The following RAB5A variants were observed in gnomAD, a reference collection of about 807,000 sequenced individuals.
RAB5A encodes RAB5A, member RAS oncogene family, also known as ras-related protein Rab-5A.
A neutral mutation model predicts 25.7 loss-of-function variants in RAB5A; 8 were observed. The observed-to-expected ratio is 0.31, with a 90% CI of 0.18 to 0.56. The LOEUF (loss-of-function observed/expected upper bound fraction) is 0.56, where lower values mean the gene tolerates loss of function less well. Ranked by LOEUF, RAB5A falls within the 20% of genes least tolerant of loss-of-function variation. The probability of loss-of-function intolerance (pLI) is 0.91; values close to 1 mark genes in which losing one functional copy is unlikely to be tolerated. For missense variants in RAB5A, 192 were observed against 259.7 expected (o/e 0.74, Z 1.79); for synonymous variants, 98 against 89.8 (o/e 1.09, Z -0.52).
At chr3:19,980,263 A>T (rs567662077) in intron 5 of RAB5A, 10 of 152,328 alleles carry the variant, frequency 6.6e-5, no homozygotes, top group African/African-American at 2.4e-4. Context: ...ACTCTACCAG[A>T]TGGGCTTTAG....
At chr3:19,952,098 C>G (rs1170457951) in intron 2 of RAB5A, among the ~76,000 whole-genome samples, 1 of 152,044 alleles carries the variant, frequency 6.6e-6, no homozygotes, top group African/African-American at 2.4e-5. Context: ...CCTGTAGTCC[C>G]AGGTATTTGG....
At chr3:19,960,227 C>A (rs1321210338) in intron 2 of RAB5A, among the ~76,000 whole-genome samples, 1 of 152,096 alleles carries the variant, frequency 6.6e-6, no homozygotes, top group Non-Finnish European at 1.5e-5. Flanking sequence ...GGAGTTACAT[C>A]AAAAGCCTTT....
Position 19,963,574 on chromosome 3 carries a change from A to T in RAB5A, c.164-12027A>T, listed in dbSNP as rs144932157. On this transcript the variant is annotated intron_variant, in intron 2 of 5. Coordinates refer to ENST00000273047, the MANE Select transcript of RAB5A (RefSeq NM_004162.5). Reference sequence around the variant, plus strand: ...TTACAGGTTTCCTCTAACTGTTAATAGGAGTTTAAAGTTTTCCCTCTCTGT... The same window carrying T: ...TTACAGGTTTCCTCTAACTGTTAATTGGAGTTTAAAGTTTTCCCTCTCTGT... Among the ~76,000 whole-genome samples, 3 of 152,240 alleles carry T rather than the reference A, an allele frequency of 2.0e-5. No individual in the cohort carries two copies. The East Asian group carries it at 5.8e-4, about 29-fold the overall frequency.
chr3:19,983,940 C>T lies in RAB5A; in HGVS notation c.*117C>T, dbSNP rs1267023607. ...CAAAAGAAGAGACTTATGATAGAGT[C>T]AAGTTTCTAATACAGAATTATTTTA... On this transcript the variant is annotated 3_prime_UTR_variant, in exon 6 of 6. Coordinates refer to ENST00000273047, the MANE Select transcript of RAB5A (RefSeq NM_004162.5). The T allele has an allele frequency of 2.5e-5, 17 of 693,532 alleles. No individual in the cohort carries two copies. The highest frequency in any genetic ancestry group is 3.4e-5 in the Non-Finnish European group (14 of 406,974). The allele number at this position is 693,532 out of a possible 1,614,324, so 43.0% of individuals were successfully genotyped here.
chr3:19,975,920 A>G (rs1192375030), intron 3 of RAB5A, 127 bp from the exon 4 acceptor site: 2 of 1,377,394 alleles, frequency 1.5e-6, no homozygotes, highest in Non-Finnish European at 2.0e-6. Context: ...AATGTCTCAT[A>G]ATACAATAGT....
intron 5 of RAB5A, among the ~76,000 whole-genome samples, chr3:19,981,319 A>G (rs751488985): frequency 1.3e-5 from 2 of 152,180 alleles, no homozygotes; most frequent in Non-Finnish European, 2.9e-5. Flanking sequence ...TAAAAATATC[A>G]TAAATCAGGC....
intron 2 of RAB5A, among the ~76,000 whole-genome samples, chr3:19,963,786 G>T (rs1469684934): frequency 6.6e-6 from 1 of 151,884 alleles, no homozygotes; most frequent in East Asian, 1.9e-4. Flanking sequence ...ATGGTACTAC[G>T]TGTGCATGTG....
chr3:19,970,047 ACCTC>A (rs1696722747), intron 2 of RAB5A, among the ~76,000 whole-genome samples: 3 of 34,768 alleles, frequency 8.6e-5, no homozygotes, highest in Admixed American at 2.3e-4. Flanking sequence ...TGATCCACCC[ACCTC>A]GGCCACCATG....
At chr3:19,951,609 T>C (rs1696423262) in intron 2 of RAB5A, among the ~76,000 whole-genome samples, 1 of 151,754 alleles carries the variant, frequency 6.6e-6, no homozygotes, top group African/African-American at 2.4e-5. Context: ...CACTGCAGAC[T>C]GCAGCCTGAA....
At chr3:19,948,628 TA>T (rs1417088001) in intron 1 of RAB5A, among the ~76,000 whole-genome samples, 48 of 152,396 alleles carry the variant, frequency 3.1e-4, no homozygotes, top group African/African-American at 1.2e-3. Context: ...AGTGTTATGC[TA>T]AGTGTATATT....
intron 2 of RAB5A, among the ~76,000 whole-genome samples, chr3:19,951,409 A>G (rs56994247): frequency 0.026 from 3,985 of 152,302 alleles, 162 homozygotes; most frequent in African/African-American, 0.09. Flanking sequence ...GCTCAATTAT[A>G]TTGGTTTAAA....
At chr3:19,966,593 A>T (rs978638595) in intron 2 of RAB5A, among the ~76,000 whole-genome samples, 16 of 152,172 alleles carry the variant, frequency 1.1e-4, no homozygotes, top group African/African-American at 3.6e-4. Context: ...TCTATCTTTA[A>T]TATATTTGAG....
chr3:19,960,975 T>C (rs985693390), intron 2 of RAB5A, among the ~76,000 whole-genome samples: 1 of 152,222 alleles, frequency 6.6e-6, no homozygotes, highest in Non-Finnish European at 1.5e-5. Context: ...AACTGTTCTT[T>C]ATCTTTGCAT....
intron 2 of RAB5A, among the ~76,000 whole-genome samples, chr3:19,951,568 T>C (rs943425477): frequency 6.6e-5 from 10 of 152,172 alleles, no homozygotes; most frequent in African/African-American, 2.4e-4. Context: ...TGCTGTCGCC[T>C]AGGCTGGAGT....
chr3:19,969,039 T>TTG (rs1218559896), intron 2 of RAB5A, among the ~76,000 whole-genome samples: 7 of 74,070 alleles, frequency 9.5e-5, no homozygotes, highest in African/African-American at 2.3e-4. Context: ...TGGTTTTTTT[T>TTG]TTTTGGTTTT....
chr3:19,977,174 G>A (rs558861690), intron 4 of RAB5A, among the ~76,000 whole-genome samples: 12 of 149,290 alleles, frequency 8.0e-5, no homozygotes, highest in African/African-American at 2.5e-4. Flanking sequence ...CTGGGCTTAC[G>A]CCATTCTGCT....
intron 5 of RAB5A, among the ~76,000 whole-genome samples, chr3:19,983,442 A>G (rs1334109370): frequency 1.3e-5 from 2 of 152,054 alleles, no homozygotes. Context: ...TACATAAAGC[A>G]CTAGTTAGGC....
intron 2 of RAB5A, chr3:19,970,562 A>T (rs780187822): frequency 2.2e-6 from 1 of 456,600 alleles, no homozygotes; most frequent in South Asian, 1.5e-5. Context: ...TCTCGAAGTG[A>T]TAAAAGCTGT....
chr3:19,960,677 A>G (rs1696572479), intron 2 of RAB5A, among the ~76,000 whole-genome samples: 3 of 152,238 alleles, frequency 2.0e-5, no homozygotes, highest in Admixed American at 2.0e-4. Flanking sequence ...AAATTCCTCA[A>G]GATGAAAGTT....
Sources: allele counts gnomAD v4.1 joint callset (sites outside exome capture counted in the v4.1 genomes callset), GRCh38; gene constraint gnomAD v4.1.1; transcripts MANE v1.5; gene names NCBI Gene and HGNC (gene_info 2026-07-23, HGNC 2026-07-21).